The following TMEM123 variants were observed in gnomAD, a reference collection of about 807,000 sequenced individuals.
TMEM123 encodes porimin.
Under a neutral mutation model 19.7 loss-of-function variants are expected in TMEM123, and 16 were observed. The ratio of observed to expected loss-of-function variants is 0.81; its 90% CI spans 0.55 to 1.23. TMEM123 has a LOEUF of 1.23. Ranked by LOEUF, TMEM123 falls within the 50% of genes most tolerant of loss-of-function variation. The probability of loss-of-function intolerance (pLI) is 0.00; values close to 1 mark genes in which losing one functional copy is unlikely to be tolerated. For missense variants in TMEM123, 313 were observed against 257.8 expected, an observed-to-expected ratio of 1.21 and a Z score of -1.47; for synonymous variants, 118 against 99.4, an observed-to-expected ratio of 1.19 and a Z score of -1.12.
intron 2 of TMEM123, among the ~76,000 whole-genome samples, chr11:102,442,308 G>A (rs2135864071): frequency 6.6e-6 from 1 of 152,282 alleles, no homozygotes; most frequent in South Asian, 2.1e-4. Flanking sequence ...TAAAATACTG[G>A]CAAACCGAAT....
chr11:102,439,791 G>A (rs956345528), intron 2 of TMEM123, among the ~76,000 whole-genome samples: 6 of 152,148 alleles, frequency 3.9e-5, no homozygotes, highest in Non-Finnish European at 8.8e-5. Context: ...TCGCAAAGAA[G>A]CTAAAAACCT....
chr11:102,425,930 T>C (rs1467646714), intron 2 of TMEM123, among the ~76,000 whole-genome samples: 3 of 152,204 alleles, frequency 2.0e-5, no homozygotes, highest in Non-Finnish European at 4.4e-5. Context: ...ACTTACATTA[T>C]CTGCACCTTT....
chr11:102,433,523 C>T (rs1047856871), intron 2 of TMEM123, among the ~76,000 whole-genome samples: 1 of 151,752 alleles, frequency 6.6e-6, no homozygotes, highest in Non-Finnish European at 1.5e-5. Flanking sequence ...ATTTTACAGG[C>T]TCATAGGTGG....
intron 2 of TMEM123, among the ~76,000 whole-genome samples, chr11:102,437,264 G>T (rs535463951): frequency 1.8e-4 from 28 of 151,954 alleles, no homozygotes; most frequent in Admixed American, 3.3e-4. Context: ...ATGACAGGCT[G>T]GTTACTCAGC....
chr11:102,450,540 C>A (rs2135868662), intron 1 of TMEM123, among the ~76,000 whole-genome samples: 1 of 152,258 alleles, frequency 6.6e-6, no homozygotes, highest in East Asian at 1.9e-4. Flanking sequence ...ATTTTAAAAG[C>A]AGAATTTCAA....
At position 102,401,970 on chromosome 11, in the gene TMEM123, T is replaced by G; in HGVS notation, c.394A>C (p.Thr132Pro). The change falls in exon 3 of 5, where the codon ACA (threonine) becomes CCA (proline). Residue 132 changes from threonine to proline, a missense_variant. Physicochemically the swap from Thr to Pro is conservative, Grantham distance 38. Transcript: ENST00000398136. ...GAACTATTGTGGGTTACGGTCATTGTGGATGTTGATATCTGAGATGTGTTC... is the reference window on the plus strand; with the variant it reads ...GAACTATTGTGGGTTACGGTCATTGGGGATGTTGATATCTGAGATGTGTTC... ...SQNTSQISTS[T>P]MTVTHNSSVT... The G allele has an allele frequency of 6.2e-7, 1 of 1,614,216 alleles. No individual in the cohort carries two copies. Among genetic ancestry groups the G allele is most frequent in the Non-Finnish European group, 8.5e-7 (1 of 1,180,042 alleles).
Position 102,422,131 on chromosome 11 carries a change from TCATC to T in TMEM123, c.158-19929_158-19926del, listed in dbSNP as rs886682955. Among the ~76,000 whole-genome samples, 12 of 152,340 alleles carry T rather than the reference TCATC, an allele frequency of 7.9e-5. No individual in the cohort carries two copies. The East Asian group carries it at 1.9e-3, about 24-fold the overall frequency. On this transcript the variant is annotated intron_variant, in intron 2 of 4. Transcript: ENST00000398136. Reference sequence around the variant, plus strand: ...CACTATCTTCACTGCACTAGAATCATCATCAATCAATACAGTGTACACACTTCAT... The same window carrying T: ...CACTATCTTCACTGCACTAGAATCATAATCAATACAGTGTACACACTTCAT...
Position 102,398,521 on chromosome 11 carries a change from C to A in TMEM123, c.*346G>T. On this transcript the variant is annotated 3_prime_UTR_variant, in exon 5 of 5. Transcript: ENST00000398136. ...TGTGACAAACTTCTTATTTGTATGC[C>A]CAGATGGCATTCTGTCTTTCAGTGA... 1 of 428,798 alleles carries A rather than the reference C, an allele frequency of 2.3e-6. No homozygotes were observed. The highest frequency in any genetic ancestry group is 4.1e-6 in the Non-Finnish European group (1 of 246,612). The allele number at this position is 428,798 out of a possible 1,614,324, so 26.6% of individuals were successfully genotyped here.
At chr11:102,423,692 T>TAA (rs1377517531) in intron 2 of TMEM123, among the ~76,000 whole-genome samples, 1 of 152,154 alleles carries the variant, frequency 6.6e-6, no homozygotes, top group East Asian at 1.9e-4. Context: ...TAACCAAAAA[T>TAA]GTATTAACAC....
chr11:102,410,511 C>CAA lies in TMEM123; in HGVS notation c.158-8307_158-8306dup, dbSNP rs796159138. The stretch of plus-strand genomic sequence containing the variant: ...AATCCACAATAACCCCTGTTAGTTA[C>CAA]AAAAAAAAAAAAAAAGCATGAATCA... On this transcript the variant is annotated intron_variant, in intron 2 of 4. Coordinates refer to ENST00000398136, the MANE Select transcript of TMEM123 (RefSeq NM_052932.3). 4.5e-3 allele frequency among the ~76,000 whole-genome samples: 472 copies of CAA among 105,398 alleles called. 7 individuals are homozygous for CAA. The highest frequency in any genetic ancestry group is 0.015 in the African/African-American group (439 of 28,802). The allele number at this position is 105,398 out of a possible 152,430, so 69.1% of individuals were successfully genotyped here. A position where few individuals can be genotyped will look rare whatever the true frequency, so the allele number is the denominator to read the frequency against.
At chr11:102,438,727 C>G (rs1175696861) in intron 2 of TMEM123, among the ~76,000 whole-genome samples, 2 of 152,228 alleles carry the variant, frequency 1.3e-5, no homozygotes, top group Non-Finnish European at 1.5e-5. Context: ...CCAGGTTCAT[C>G]TCACTGGGGC....
chr11:102,414,361 GATACC>G (rs1952027727), intron 2 of TMEM123, among the ~76,000 whole-genome samples: 1 of 152,130 alleles, frequency 6.6e-6, no homozygotes, highest in African/African-American at 2.4e-5. Context: ...ACTCCTGCAA[GATACC>G]ATACAAGACA....
intron 2 of TMEM123, among the ~76,000 whole-genome samples, chr11:102,428,377 C>T (rs1324662942): frequency 6.6e-6 from 1 of 152,146 alleles, no homozygotes; most frequent in Non-Finnish European, 1.5e-5. Context: ...TCTCAGCTCA[C>T]TGCAACCTCC....
chr11:102,401,535 T>G lies in TMEM123; in HGVS notation c.602+4A>C, dbSNP rs868733399. 2 of 1,560,732 alleles carry G rather than the reference T, an allele frequency of 1.3e-6. No individual in the cohort carries two copies. Among genetic ancestry groups the G allele is most frequent in the Middle Eastern group, 3.4e-4 (2 of 5,834 alleles). On this transcript the variant is annotated splice_donor_region_variant and intron_variant, in intron 4 of 4. Transcript: ENST00000398136. ...TTAAAAAGTCCTGGCCATTCAAAAC[T>G]TACATGGTTCGATACCGAATGCCTC...
At chr11:102,433,693 A>T (rs781078753) in intron 2 of TMEM123, among the ~76,000 whole-genome samples, 8 of 151,784 alleles carry the variant, frequency 5.3e-5, no homozygotes, top group Non-Finnish European at 1.2e-4. Context: ...TCCCCACTCA[A>T]ATTTCATCTT....
At chr11:102,429,417 T>C (rs1370437392) in intron 2 of TMEM123, among the ~76,000 whole-genome samples, 1 of 152,202 alleles carries the variant, frequency 6.6e-6, no homozygotes, top group Non-Finnish European at 1.5e-5. Context: ...TTTCAACTCA[T>C]GTCAGCAAAA....
intron 2 of TMEM123, among the ~76,000 whole-genome samples, chr11:102,437,647 T>C (rs560379987): frequency 6.6e-6 from 1 of 152,218 alleles, no homozygotes; most frequent in African/African-American, 2.4e-5. Flanking sequence ...CAATTTATTA[T>C]TGTATCTGCT....
chr11:102,423,159 T>A (rs1952100091), intron 2 of TMEM123, among the ~76,000 whole-genome samples: 1 of 152,218 alleles, frequency 6.6e-6, no homozygotes, highest in South Asian at 2.1e-4. Flanking sequence ...GGTATATCCC[T>A]ACTATGTAAC....
intron 2 of TMEM123, among the ~76,000 whole-genome samples, chr11:102,418,646 C>T (rs1440543039): frequency 6.6e-6 from 1 of 152,202 alleles, no homozygotes; most frequent in Non-Finnish European, 1.5e-5. Context: ...TTTGACCTAG[C>T]AATCCCATTA....
Sources: gnomAD v4.1 joint callset for allele counts (sites outside exome capture counted in the v4.1 genomes callset) on GRCh38, gnomAD v4.1.1 for gene constraint, MANE v1.5 for transcripts, NCBI Gene and HGNC (gene_info 2026-07-23, HGNC 2026-07-21) for gene names.